PSMD11: variants seen among roughly 807,000 people sequenced by gnomAD.
PSMD11 encodes 26S proteasome non-ATPase regulatory subunit 11.
Under a neutral mutation model 62.3 loss-of-function variants are expected in PSMD11, and 5 were observed. The ratio of observed to expected loss-of-function variants is 0.08; its 90% CI spans 0.04 to 0.17. The LOEUF (loss-of-function observed/expected upper bound fraction) is 0.17. PSMD11 is among the 10% of genes least tolerant of loss of function. The pLI is 1.00. For synonymous variants in PSMD11, 191 were observed against 191.8 expected, an observed-to-expected ratio of 1.00 and a Z score of 0.03; for missense variants, 310 against 512.9, an observed-to-expected ratio of 0.60 and a Z score of 3.82.
In PSMD11 at chr17:32,482,132, T is replaced by C. The variant is rs73984544; in HGVS notation, c.*1380T>C. 5.1e-4 allele frequency: 78 copies of C among 152,256 alleles called. No individual in the cohort carries two copies. The highest frequency in any genetic ancestry group is 1.9e-3 in the African/African-American group (77 of 41,558). The allele number at this position is 152,256 out of a possible 1,614,324, so 9.4% of individuals were successfully genotyped here. A position where few individuals can be genotyped will look rare whatever the true frequency, so the allele number is the denominator to read the frequency against. On this transcript the variant is annotated 3_prime_UTR_variant, in exon 14 of 14. Transcript: ENST00000261712. ...CTTGGATTATCCTTCCAGGTTTTCA[T>C]AATAAATTTATATTTTGTAAAAGGA...
intron 1 of PSMD11, 40 bp from the exon 2 acceptor site, chr17:32,446,905 T>C (rs1907349457): frequency 6.9e-7 from 1 of 1,456,388 alleles, no homozygotes; most frequent in Non-Finnish European, 9.5e-7. Flanking sequence ...CTTCATTTTT[T>C]GGTCAGAATT....
intron 7 of PSMD11, among the ~76,000 whole-genome samples, chr17:32,474,356 T>C (rs1908258008): frequency 6.6e-6 from 1 of 152,216 alleles, no homozygotes; most frequent in Non-Finnish European, 1.5e-5. Flanking sequence ...CAGACCTACT[T>C]ATAAAGAAGT....
chr17:32,477,565 A>G lies in PSMD11; in HGVS notation c.894A>G (p.Ser298=). The G allele has an allele frequency of 6.2e-7, 1 of 1,611,210 alleles. No individual in the cohort carries two copies. The highest frequency in any genetic ancestry group is 2.2e-5 in the East Asian group (1 of 44,798). ...KCVAQASKNR[S]LADFEKALTD... is the part of the protein sequence containing the mutation. Reference sequence around the variant, plus strand: ...TGGCTCAGGCTAGCAAGAACAGATCACTGGCAGATTTTGAAAAGGTGAGTA... The same window carrying G: ...TGGCTCAGGCTAGCAAGAACAGATCGCTGGCAGATTTTGAAAAGGTGAGTA... The change falls in exon 9 of 14, where the codon TCA becomes TCG. Residue 298 remains serine (S), a synonymous_variant. Transcript: ENST00000261712.
chr17:32,444,929 A>G (rs1246471345), intron 1 of PSMD11: 6 of 444,560 alleles, frequency 1.3e-5, no homozygotes, highest in Admixed American at 4.3e-5. Flanking sequence ...TCTGGCCCGC[A>G]CGAGCTGGTC....
chr17:32,456,143 CAAAAA>C (rs551469411), intron 3 of PSMD11, among the ~76,000 whole-genome samples: 1 of 58,248 alleles, frequency 1.7e-5, no homozygotes, highest in Admixed American at 1.8e-4. Flanking sequence ...GACTCTGTCT[CAAAAA>C]AAAAAAAAAA....
intron 5 of PSMD11, among the ~76,000 whole-genome samples, chr17:32,466,422 A>G (rs1907995539): frequency 6.6e-6 from 1 of 152,216 alleles, no homozygotes; most frequent in African/African-American, 2.4e-5. Flanking sequence ...AAATGATACA[A>G]TATTTGTTTC....
chr17:32,460,428 A>G (rs570645731), intron 3 of PSMD11, among the ~76,000 whole-genome samples: 1 of 152,138 alleles, frequency 6.6e-6, no homozygotes, highest in Non-Finnish European at 1.5e-5. Flanking sequence ...GGTACTGAGA[A>G]TATGAGGGAG....
chr17:32,471,192 G>A (rs1405356962), intron 6 of PSMD11, among the ~76,000 whole-genome samples: 3 of 152,168 alleles, frequency 2.0e-5, no homozygotes, highest in Non-Finnish European at 4.4e-5. Flanking sequence ...GAATTTTAGG[G>A]TTTAGATGCC....
intron 3 of PSMD11, among the ~76,000 whole-genome samples, chr17:32,457,467 T>G (rs1367582517): frequency 3.3e-5 from 5 of 152,030 alleles, no homozygotes; most frequent in Non-Finnish European, 7.4e-5. Flanking sequence ...AAACTCCTAG[T>G]CTCAAATGAT....
At chr17:32,472,033 G>A (rs1008460162) in intron 6 of PSMD11, among the ~76,000 whole-genome samples, 4 of 152,070 alleles carry the variant, frequency 2.6e-5, no homozygotes, top group Admixed American at 6.6e-5. Context: ...GTGCCACCAC[G>A]CCTGGCTAAT....
In PSMD11 at chr17:32,468,987, T is replaced by A; in HGVS notation, c.449-12T>A. On this transcript the variant is annotated splice_polypyrimidine_tract_variant and intron_variant, in intron 5 of 13. Transcript: ENST00000261712. The stretch of plus-strand genomic sequence containing the variant: ...TGATGGCTATAAAGGAGAATGTCTT[T>A]TCCTTTTTCAGGTTCTCAGCTGCTG... 1 of 1,611,484 alleles carries A rather than the reference T, an allele frequency of 6.2e-7. No individual in the cohort carries two copies. The highest frequency in any genetic ancestry group is 8.5e-7 in the Non-Finnish European group (1 of 1,178,608).
chr17:32,469,253 G>A (rs948804228), intron 6 of PSMD11, 60 bp downstream of exon 6: 1 of 1,515,990 alleles, frequency 6.6e-7, no homozygotes, highest in Admixed American at 1.9e-5. Context: ...TTTTATAGGT[G>A]GAAGGAATGG....
intron 3 of PSMD11, among the ~76,000 whole-genome samples, chr17:32,456,657 G>A (rs1040733632): frequency 6.6e-6 from 1 of 152,236 alleles, no homozygotes; most frequent in African/African-American, 2.4e-5. Flanking sequence ...AGCCTCCCCA[G>A]TAGCTGGGAC....
At chr17:32,452,608 A>C in intron 2 of PSMD11, among the ~76,000 whole-genome samples, 1 of 152,252 alleles carries the variant, frequency 6.6e-6, no homozygotes, top group East Asian at 1.9e-4. Flanking sequence ...TTATATACTT[A>C]AAGTATTTTT....
rs1908557554 is a variant in PSMD11 at position 32,483,164 on chromosome 17, G to A, written c.*2412G>A. ...CAGGCCCTTGCAACGTGGCTGGTTC[G>A]AGCTGTGATACACTGCAAGTGTAAA... On this transcript the variant is annotated 3_prime_UTR_variant, in exon 14 of 14. Coordinates refer to ENST00000261712, the MANE Select transcript of PSMD11 (RefSeq NM_002815.4). 6.6e-6 allele frequency: 1 copy of A among 152,218 alleles called. No homozygotes were observed. 9.4% of individuals were successfully genotyped at this position (152,218 alleles called of 1,614,324 possible). A position where few individuals can be genotyped will look rare whatever the true frequency, so the allele number is the denominator to read the frequency against.
At chr17:32,467,585 T>G (rs941565331) in intron 5 of PSMD11, among the ~76,000 whole-genome samples, 21 of 152,088 alleles carry the variant, frequency 1.4e-4, no homozygotes, top group African/African-American at 5.1e-4. Flanking sequence ...TTCAGATCCT[T>G]TGCTTATTTT....
At chr17:32,447,540 A>G (rs946564158) in intron 2 of PSMD11, among the ~76,000 whole-genome samples, 1 of 152,184 alleles carries the variant, frequency 6.6e-6, no homozygotes, top group Non-Finnish European at 1.5e-5. Context: ...TGTGCACATC[A>G]TTGCTCAAAC....
chr17:32,465,996 G>A (rs1489009779), intron 5 of PSMD11, among the ~76,000 whole-genome samples: 1 of 151,198 alleles, frequency 6.6e-6, no homozygotes, highest in Non-Finnish European at 1.5e-5. Context: ...AAAAATTTCA[G>A]AACTTTTTTT....
chr17:32,479,232 C>CA lies in PSMD11; in HGVS notation c.913-17dup. 6.2e-7 allele frequency: 1 copy of CA among 1,612,894 alleles called. No individual in the cohort carries two copies. Among genetic ancestry groups the CA allele is most frequent in the East Asian group, 2.2e-5 (1 of 44,892 alleles). ...AAGTGATTCTCTGTGCCAATCTCTG[C>CA]AACTGGTTCCTTTGGCAGGCTCTGA... On this transcript the variant is annotated intron_variant, in intron 9 of 13. Transcript: ENST00000261712.
Sources: allele counts gnomAD v4.1 joint callset (sites outside exome capture counted in the v4.1 genomes callset), GRCh38; gene constraint gnomAD v4.1.1; transcripts MANE v1.5; gene names NCBI Gene and HGNC (gene_info 2026-07-23, HGNC 2026-07-21).